PCYT1B: variants seen among roughly 807,000 people sequenced by gnomAD.
The protein encoded by PCYT1B is choline-phosphate cytidylyltransferase B.
PCYT1B carries 10 observed loss-of-function variants against 26.4 expected under a neutral mutation model. The observed-to-expected ratio is 0.38, with a 90% CI of 0.23 to 0.64. The LOEUF (loss-of-function observed/expected upper bound fraction) is 0.64, where lower values mean the gene tolerates loss of function less well. PCYT1B is among the 30% of genes least tolerant of loss of function. The pLI is 0.56. For missense variants in PCYT1B, 161 were observed against 292.7 expected (o/e 0.55, Z 3.28); for synonymous variants, 131 against 108.4 (o/e 1.21, Z -1.29).
At chrX:24,569,946 G>A (rs1165008992) in intron 7 of PCYT1B, among the ~76,000 whole-genome samples, 1 of 111,486 alleles carries the variant, frequency 9.0e-6, no homozygotes, top group Non-Finnish European at 1.9e-5. Context: ...CACTTCGGGA[G>A]GCTGAGGCAG....
intron 3 of PCYT1B, among the ~76,000 whole-genome samples, chrX:24,592,723 G>A (rs968098655): frequency 4.5e-5 from 5 of 111,310 alleles, no homozygotes; most frequent in Non-Finnish European, 7.5e-5. Context: ...CAAGACCTAC[G>A]CCTCTGCCCA....
chrX:24,618,378 C>T (rs1021793484), intron 2 of PCYT1B, among the ~76,000 whole-genome samples: 1 of 111,892 alleles, frequency 8.9e-6, no homozygotes, highest in African/African-American at 3.2e-5. Context: ...ATTGTTATCC[C>T]TGTTTTAAGG....
At chrX:24,619,624 T>C (rs895968342) in intron 1 of PCYT1B, among the ~76,000 whole-genome samples, 3 of 112,007 alleles carry the variant, frequency 2.7e-5, no homozygotes, top group African/African-American at 6.5e-5. Flanking sequence ...TCTCCTATAT[T>C]TCACACACAC....
chrX:24,562,536 T>C (rs756404931), intron 7 of PCYT1B, 31 bp from the exon 8 acceptor site: 2 of 1,154,191 alleles, frequency 1.7e-6, no homozygotes, highest in African/African-American at 1.8e-5. Context: ...AGGCATCTGT[T>C]AACTTTGCAA....
chrX:24,593,345 CTTTG>C (rs1344399248), intron 3 of PCYT1B, among the ~76,000 whole-genome samples: 1 of 108,636 alleles, frequency 9.2e-6, no homozygotes, highest in Non-Finnish European at 1.9e-5. Flanking sequence ...TTCTTTCTTT[CTTTG>C]TTTCTTTCTT....
upstream of PCYT1B, chrX:24,647,359 T>G (rs986218206): frequency 1.2e-6 from 1 of 829,979 alleles, no homozygotes; most frequent in South Asian, 4.4e-5. Flanking sequence ...AAGCGGCTGG[T>G]GCGGGATACA....
chrX:24,651,472 A>AAAAAAATATAT (rs1555965467), upstream of PCYT1B, among the ~76,000 whole-genome samples: 1 of 26,059 alleles, frequency 3.8e-5, no homozygotes, highest in Non-Finnish European at 6.0e-5. Flanking sequence ...AAAAAAAAAA[A>AAAAAAATATAT]ATATATATAT....
intron 3 of PCYT1B, among the ~76,000 whole-genome samples, chrX:24,601,604 A>G (rs1924967813): frequency 9.2e-6 from 1 of 108,990 alleles, no homozygotes; most frequent in Non-Finnish European, 1.9e-5. Flanking sequence ...CAACAATAAG[A>G]AAAAAAACAG....
intron 2 of PCYT1B, among the ~76,000 whole-genome samples, chrX:24,609,604 A>G (rs1925245206): frequency 8.9e-6 from 1 of 112,402 alleles, no homozygotes; most frequent in Non-Finnish European, 1.9e-5. Context: ...TAAAGTTAAA[A>G]GTTAAGTTAA....
chrX:24,628,317 C>T (rs1925944403), intron 1 of PCYT1B, among the ~76,000 whole-genome samples: 2 of 111,289 alleles, frequency 1.8e-5, no homozygotes. Flanking sequence ...ATCCCTATTC[C>T]CCAGGGCAGT....
At chrX:24,603,329 C>T (rs1188317949) in intron 3 of PCYT1B, among the ~76,000 whole-genome samples, 2 of 112,158 alleles carry the variant, frequency 1.8e-5, no homozygotes, top group Admixed American at 9.5e-5. Flanking sequence ...TGGGCAGGGG[C>T]CAATGAAGCT....
chrX:24,565,010 G>A (rs757547794), intron 7 of PCYT1B, among the ~76,000 whole-genome samples: 2 of 110,289 alleles, frequency 1.8e-5, no homozygotes, highest in Non-Finnish European at 3.8e-5. Context: ...GGTGGGAGGA[G>A]GTTTCGGTGG....
intron 1 of PCYT1B, among the ~76,000 whole-genome samples, chrX:24,642,780 G>C (rs1344736309): frequency 1.8e-5 from 2 of 111,574 alleles, no homozygotes; most frequent in African/African-American, 6.5e-5. Context: ...TGCTGTTCTG[G>C]GTGGCTAAGT....
At chrX:24,671,508 T>G (rs1927256151) in intron 1 of PCYT1B, among the ~76,000 whole-genome samples, 1 of 111,352 alleles carries the variant, frequency 9.0e-6, no homozygotes, top group Admixed American at 9.6e-5. Flanking sequence ...CAATCAGTCA[T>G]GTAGCTCAAG....
chrX:24,598,507 A>C (rs1323537412), intron 3 of PCYT1B, among the ~76,000 whole-genome samples: 1 of 110,714 alleles, frequency 9.0e-6, no homozygotes, highest in East Asian at 2.8e-4. Context: ...ACACACACAC[A>C]CACTCACACA....
At chrX:24,603,399 T>G (rs768218655) in intron 3 of PCYT1B, among the ~76,000 whole-genome samples, 2 of 112,334 alleles carry the variant, frequency 1.8e-5, no homozygotes, top group Non-Finnish European at 3.8e-5. Context: ...CCCTGCAAGA[T>G]TTTTGAAAGT....
chrX:24,656,551 C>CTTTTTTTTTTT (rs1179469896), intron 1 of PCYT1B, among the ~76,000 whole-genome samples: 7 of 56,635 alleles, frequency 1.2e-4, no homozygotes, highest in Non-Finnish European at 1.8e-4. Flanking sequence ...TCTTTTTTTC[C>CTTTTTTTTTTT]TTTTTTTTTT....
chrX:24,656,747 G>T (rs974625783), intron 1 of PCYT1B, among the ~76,000 whole-genome samples: 1 of 107,648 alleles, frequency 9.3e-6, no homozygotes, highest in Non-Finnish European at 1.9e-5. Context: ...GTAGAGACGG[G>T]TCTCAAACTC....
chrX:24,612,223 G>A (rs1925330815), intron 2 of PCYT1B, among the ~76,000 whole-genome samples: 1 of 112,477 alleles, frequency 8.9e-6, no homozygotes, highest in Admixed American at 9.4e-5. Flanking sequence ...CTAACAACCT[G>A]AGTGAGCTTG....
Sources: allele counts gnomAD v4.1 joint callset (sites outside exome capture counted in the v4.1 genomes callset), GRCh38; gene constraint gnomAD v4.1.1; transcripts MANE v1.5; gene names NCBI Gene and HGNC (gene_info 2026-07-23, HGNC 2026-07-21).